DACH1: variants seen among roughly 807,000 people sequenced by gnomAD.
DACH1 encodes the protein dachshund family transcription factor 1.
DACH1 carries 12 observed loss-of-function variants against 54.2 expected under a neutral mutation model. The observed-to-expected ratio is 0.22, with a 90% CI of 0.14 to 0.36. DACH1 has a LOEUF of 0.36. DACH1 is among the 10% of genes least tolerant of loss of function. The probability of loss-of-function intolerance (pLI) is 1.00; values close to 1 mark genes in which losing one functional copy is unlikely to be tolerated. For missense variants in DACH1, 805 were observed against 929.8 expected, an observed-to-expected ratio of 0.87 and a Z score of 1.75; for synonymous variants, 386 against 366.2, an observed-to-expected ratio of 1.05 and a Z score of -0.62.
chr13:71,861,920 A>T (rs1056087465), intron 1 of DACH1, among the ~76,000 whole-genome samples: 1 of 150,858 alleles, frequency 6.6e-6, no homozygotes, highest in Non-Finnish European at 1.5e-5. Flanking sequence ...AAAAAAAAAA[A>T]AAAAAAAATA....
chr13:71,521,788 C>G (rs972233715), intron 6 of DACH1, among the ~76,000 whole-genome samples: 1 of 152,118 alleles, frequency 6.6e-6, no homozygotes, highest in Non-Finnish European at 1.5e-5. Flanking sequence ...GGTTCCCTCT[C>G]AAATGGTTTA....
intron 1 of DACH1, among the ~76,000 whole-genome samples, chr13:71,780,327 G>A (rs990222235): frequency 2.6e-5 from 4 of 152,058 alleles, no homozygotes; most frequent in African/African-American, 4.8e-5. Context: ...ACATTTTTAT[G>A]TGATCAATCA....
intron 2 of DACH1, among the ~76,000 whole-genome samples, chr13:71,643,848 AAAG>A (rs1878082456): frequency 6.6e-6 from 1 of 152,148 alleles, no homozygotes; most frequent in Non-Finnish European, 1.5e-5. Flanking sequence ...TAGCTCAGGG[AAAG>A]AAGAAAAAAA....
At chr13:71,502,001 T>C (rs1418775127) in intron 6 of DACH1, among the ~76,000 whole-genome samples, 1 of 152,146 alleles carries the variant, frequency 6.6e-6, no homozygotes, top group East Asian at 1.9e-4. Flanking sequence ...TAACCTTATT[T>C]CACAGCCCAT....
chr13:71,851,317 T>C (rs1487980015), intron 1 of DACH1, among the ~76,000 whole-genome samples: 1 of 152,212 alleles, frequency 6.6e-6, no homozygotes, highest in Non-Finnish European at 1.5e-5. Flanking sequence ...TAAAACTCCA[T>C]GTTTAAACAC....
intron 6 of DACH1, among the ~76,000 whole-genome samples, chr13:71,498,989 G>A (rs1879676017): frequency 1.3e-5 from 2 of 152,018 alleles, no homozygotes; most frequent in Non-Finnish European, 2.9e-5. Flanking sequence ...CTCATCTGAG[G>A]AGACAAAACT....
At chr13:71,562,705 A>T (rs775986545) in intron 4 of DACH1, among the ~76,000 whole-genome samples, 7 of 152,140 alleles carry the variant, frequency 4.6e-5, no homozygotes, top group Non-Finnish European at 1.0e-4. Flanking sequence ...ACAAACATGT[A>T]TATGACTTAA....
intron 10 of DACH1, among the ~76,000 whole-genome samples, chr13:71,450,294 C>T (rs1874918228): frequency 6.6e-6 from 1 of 151,742 alleles, no homozygotes; most frequent in African/African-American, 2.4e-5. Context: ...GTAATTCTCC[C>T]AATATTTTCA....
At chr13:71,816,075 A>G (rs556681436) in intron 1 of DACH1, among the ~76,000 whole-genome samples, 2 of 151,584 alleles carry the variant, frequency 1.3e-5, no homozygotes, top group African/African-American at 4.9e-5. Flanking sequence ...ACAGAGCGAG[A>G]CTCCGTCTCC....
chr13:71,485,049 C>A (rs913020080), intron 7 of DACH1, among the ~76,000 whole-genome samples: 5 of 151,200 alleles, frequency 3.3e-5, no homozygotes, highest in African/African-American at 1.2e-4. Flanking sequence ...GAGGGAGACT[C>A]CGTCTTAAAT....
At chr13:71,824,239 GGTATTA>G (rs2138190076) in intron 1 of DACH1, among the ~76,000 whole-genome samples, 1 of 151,470 alleles carries the variant, frequency 6.6e-6, no homozygotes, top group African/African-American at 2.4e-5. Context: ...TATTATTATT[GGTATTA>G]TTATTATTTA....
chr13:71,519,882 A>AATATATATATATATATAT (rs1555290464), intron 6 of DACH1, among the ~76,000 whole-genome samples: 2 of 35,526 alleles, frequency 5.6e-5, no homozygotes, highest in African/African-American at 1.9e-4. Flanking sequence ...AAACCAAAGT[A>AATATATATATATATATAT]GTATATATAT....
At chr13:71,582,334 A>C (rs993820262) in intron 3 of DACH1, among the ~76,000 whole-genome samples, 11 of 152,252 alleles carry the variant, frequency 7.2e-5, no homozygotes, top group Admixed American at 5.2e-4. Context: ...CTTTTTAATA[A>C]GATAATCAAT....
At chr13:71,658,794 A>G (rs541256761) in intron 2 of DACH1, among the ~76,000 whole-genome samples, 1 of 152,204 alleles carries the variant, frequency 6.6e-6, no homozygotes, top group Non-Finnish European at 1.5e-5. Flanking sequence ...AATACCAAAA[A>G]TGTGTACATA....
intron 3 of DACH1, among the ~76,000 whole-genome samples, chr13:71,602,047 T>C (rs1381724513): frequency 6.6e-6 from 1 of 152,016 alleles, no homozygotes; most frequent in Non-Finnish European, 1.5e-5. Context: ...TAATTGTTAA[T>C]TGAAGGCACA....
At chr13:71,605,593 T>C (rs57588024) in intron 3 of DACH1, among the ~76,000 whole-genome samples, 9,415 of 152,054 alleles carry the variant, frequency 0.062, 519 homozygotes, top group African/African-American at 0.13. Flanking sequence ...TGTATGCTTA[T>C]ATCATTTTTA....
At chr13:71,746,636 T>TAAAC (rs113135423) in intron 1 of DACH1, among the ~76,000 whole-genome samples, 6,807 of 151,988 alleles carry the variant, frequency 0.045, 162 homozygotes, top group African/African-American at 0.056. Flanking sequence ...AGAAATGGTA[T>TAAAC]AAACAAACAA....
At chr13:71,564,281 A>C (rs1257024193) in intron 4 of DACH1, among the ~76,000 whole-genome samples, 2 of 152,064 alleles carry the variant, frequency 1.3e-5, no homozygotes, top group East Asian at 3.8e-4. Flanking sequence ...CATTTGTGTA[A>C]TACCCTTTAA....
intron 1 of DACH1, among the ~76,000 whole-genome samples, chr13:71,850,483 T>C (rs1360134262): frequency 6.6e-6 from 1 of 152,172 alleles, no homozygotes; most frequent in Non-Finnish European, 1.5e-5. Flanking sequence ...AATAGCTTCC[T>C]TCTATACCTT....
Sources: allele counts gnomAD v4.1 joint callset (sites outside exome capture counted in the v4.1 genomes callset), GRCh38; gene constraint gnomAD v4.1.1; transcripts MANE v1.5; gene names NCBI Gene and HGNC (gene_info 2026-07-23, HGNC 2026-07-21).